KCNQ1OT1: variants seen among roughly 807,000 people sequenced by gnomAD.
The protein encoded by KCNQ1OT1 is KCNQ1 opposite strand/antisense transcript 1.
chr11:2,641,155 C>T (rs1849570414), exon 1 of KCNQ1OT1: 5 of 398,376 alleles, frequency 1.3e-5, no homozygotes, highest in Non-Finnish European at 1.3e-5. Context: ...TTTTAGTATA[C>T]TGATATCTTT....
At chr11:2,630,865 TG>T (rs1429487330) in exon 1 of KCNQ1OT1, 6 of 398,406 alleles carry the variant, frequency 1.5e-5, no homozygotes, top group Non-Finnish European at 2.7e-5. Context: ...TATTCTTAGA[TG>T]GCAGTTTTTT....
chr11:2,699,537 C>T (rs1007878546), exon 1 of KCNQ1OT1: 3 of 359,858 alleles, frequency 8.3e-6, no homozygotes, highest in Non-Finnish European at 1.5e-5. Context: ...GCTGAGGAGG[C>T]CCAGGGAGGA....
exon 1 of KCNQ1OT1, chr11:2,609,386 C>T (rs887338799): frequency 5.0e-6 from 2 of 398,278 alleles, no homozygotes; most frequent in Admixed American, 8.8e-5. Flanking sequence ...GAAAAAGATA[C>T]CTTGTATTAT....
chr11:2,661,768 G>GT lies in KCNQ1OT1; in HGVS notation n.38226dup. 1 of 655,190 alleles carries GT rather than the reference G, an allele frequency of 1.5e-6. No individual in the cohort carries two copies. The highest frequency in any genetic ancestry group is 2.7e-6 in the Non-Finnish European group (1 of 365,658). The allele number at this position is 655,190 out of a possible 1,614,324, so 40.6% of individuals were successfully genotyped here. On this transcript the variant is annotated non_coding_transcript_exon_variant, in exon 1 of 1. Transcript: ENST00000597346. The surrounding 1 kb of genome is among the most constrained non-coding windows in gnomAD (Gnocchi z 5.9). The stretch of plus-strand genomic sequence containing the variant: ...GCCTTTATTCTCCTCAGACACTGAG[G>GT]TGTCAGGCACTTTGGGGCCATCTTA...
At chr11:2,638,957 A>G (rs1273744748) in exon 1 of KCNQ1OT1, 1 of 152,012 alleles carries the variant, frequency 6.6e-6, no homozygotes, top group Non-Finnish European at 1.5e-5. Flanking sequence ...ACTTCATTTC[A>G]TTCATTTGAT....
chr11:2,661,762 A>G lies in KCNQ1OT1; in HGVS notation n.38233T>C. The G allele has an allele frequency of 1.5e-6, 1 of 648,368 alleles. No individual in the cohort carries two copies. The highest frequency in any genetic ancestry group is 1.8e-5 in the South Asian group (1 of 56,724). The allele number at this position is 648,368 out of a possible 1,614,324, so 40.2% of individuals were successfully genotyped here. ...TCACTGGCCTTTATTCTCCTCAGACACTGAGGTGTCAGGCACTTTGGGGCC... is the reference window on the plus strand; with the variant it reads ...TCACTGGCCTTTATTCTCCTCAGACGCTGAGGTGTCAGGCACTTTGGGGCC... On this transcript the variant is annotated non_coding_transcript_exon_variant, in exon 1 of 1. Coordinates refer to ENST00000597346, the Ensembl canonical transcript of KCNQ1OT1. This position sits in a 1 kb window ranked among gnomAD's most constrained non-coding sequence, Gnocchi z 5.9.
chr11:2,618,399 T>C (rs2133800381), exon 1 of KCNQ1OT1: 1 of 398,606 alleles, frequency 2.5e-6, no homozygotes, highest in Middle Eastern at 6.3e-4. Flanking sequence ...ATGTGGTCTG[T>C]GGGCCATGGG....
chr11:2,656,709 T>C (rs1849855673), exon 1 of KCNQ1OT1: 4 of 398,644 alleles, frequency 1.0e-5, no homozygotes, highest in African/African-American at 4.1e-5. Context: ...ATTTTGATGA[T>C]TGGGTCTTAA....
chr11:2,684,841 A>G, exon 1 of KCNQ1OT1: 1 of 398,636 alleles, frequency 2.5e-6, no homozygotes, highest in Non-Finnish European at 4.4e-6. Flanking sequence ...GCCTCCTGTT[A>G]TTGGCTTCCT....
exon 1 of KCNQ1OT1, chr11:2,629,480 G>C (rs2133814228): frequency 5.0e-6 from 2 of 398,396 alleles, no homozygotes; most frequent in Admixed American, 8.8e-5. Flanking sequence ...ATTTAGGTCT[G>C]TGGTCCACTT....
At position 2,617,600 on chromosome 11, in the gene KCNQ1OT1, G is replaced by A. The variant is rs1849088271; in HGVS notation, n.82395C>T. On this transcript the variant is annotated non_coding_transcript_exon_variant, in exon 1 of 1. Transcript: ENST00000597346. This position sits in a 1 kb window ranked among gnomAD's most constrained non-coding sequence, Gnocchi z 4.6. ...ACCTAGAAGAGGGATTAGTGGGTCAGATGATAGTATATTTTCAATTTCTTT... is the reference window on the plus strand; with the variant it reads ...ACCTAGAAGAGGGATTAGTGGGTCAAATGATAGTATATTTTCAATTTCTTT... 1 of 398,408 alleles carries A rather than the reference G, an allele frequency of 2.5e-6. No homozygotes were observed. Among genetic ancestry groups the A allele is most frequent in the Non-Finnish European group, 4.4e-6 (1 of 225,948 alleles). The allele number at this position is 398,408 out of a possible 1,614,324, so 24.7% of individuals were successfully genotyped here. A position where few individuals can be genotyped will look rare whatever the true frequency, so the allele number is the denominator to read the frequency against.
chr11:2,684,576 G>A, exon 1 of KCNQ1OT1: 1 of 398,636 alleles, frequency 2.5e-6, no homozygotes, highest in African/African-American at 2.1e-5. Flanking sequence ...TGACTTTCTG[G>A]CAGAGGAGAG....
exon 1 of KCNQ1OT1, chr11:2,634,542 G>A (rs1849423431): frequency 6.6e-6 from 1 of 152,262 alleles, no homozygotes; most frequent in African/African-American, 2.4e-5. Flanking sequence ...GTATTCCATG[G>A]TGTGTATGTG....
At chr11:2,681,290 G>T (rs1850392396) in exon 1 of KCNQ1OT1, 2 of 398,320 alleles carry the variant, frequency 5.0e-6, no homozygotes, top group Non-Finnish European at 8.8e-6. Flanking sequence ...ATACCTTCCT[G>T]TCCTACCAGC....
Position 2,642,430 on chromosome 11 carries a change from G to A in KCNQ1OT1, n.57565C>T, listed in dbSNP as rs1170526543. 2.5e-6 allele frequency: 1 copy of A among 397,904 alleles called. No individual in the cohort carries two copies. The highest frequency in any genetic ancestry group is 4.4e-6 in the Non-Finnish European group (1 of 225,764). The allele number at this position is 397,904 out of a possible 1,614,324, so 24.6% of individuals were successfully genotyped here. ...GTTCTTTATTGGTATATAGAAATAA[G>A]CCTGATTTTTAAATCCTGTAACTGT... On this transcript the variant is annotated non_coding_transcript_exon_variant, in exon 1 of 1. Transcript: ENST00000597346. This position sits in a 1 kb window ranked among gnomAD's most constrained non-coding sequence, Gnocchi z 4.3.
chr11:2,675,029 GC>G (rs1165935865), exon 1 of KCNQ1OT1: 7 of 398,516 alleles, frequency 1.8e-5, no homozygotes, highest in Non-Finnish European at 3.1e-5. Context: ...CTCTGCCAGA[GC>G]CCAGGTGGGG....
exon 1 of KCNQ1OT1, chr11:2,614,341 T>C (rs1185617590): frequency 1.5e-5 from 6 of 398,448 alleles, no homozygotes; most frequent in Non-Finnish European, 2.7e-5. Flanking sequence ...TTTTTAGTCT[T>C]CTGTGCACCC....
Position 2,683,612 on chromosome 11 carries a change from C to T in KCNQ1OT1, n.16383G>A, listed in dbSNP as rs1850435881. 5.0e-6 allele frequency: 2 copies of T among 398,646 alleles called. No homozygotes were observed. The highest frequency in any genetic ancestry group is 4.4e-5 in the Admixed American group (1 of 22,734). 24.7% of individuals were successfully genotyped at this position (398,646 alleles called of 1,614,324 possible). ...AAATGCCAACTCATTTCAAATACTG[C>T]TCTAGACAACTGGGCCCTGCATCTG... On this transcript the variant is annotated non_coding_transcript_exon_variant, in exon 1 of 1. Transcript: ENST00000597346. This position sits in a 1 kb window ranked among gnomAD's most constrained non-coding sequence, Gnocchi z 4.7.
Position 2,687,916 on chromosome 11 carries a change from A to C in KCNQ1OT1, n.12079T>G, listed in dbSNP as rs957692482. 7.5e-6 allele frequency: 3 copies of C among 398,748 alleles called. No homozygotes were observed. The highest frequency in any genetic ancestry group is 1.3e-5 in the Non-Finnish European group (3 of 226,148). The allele number at this position is 398,748 out of a possible 1,614,324, so 24.7% of individuals were successfully genotyped here. A position where few individuals can be genotyped will look rare whatever the true frequency, so the allele number is the denominator to read the frequency against. ...CCTGGTGGGATGGAAAATCCCCAGC[A>C]GTTGTGAGGCTGCACTTCTCCCACC... is the stretch of plus-strand genomic sequence containing the variant. On this transcript the variant is annotated non_coding_transcript_exon_variant, in exon 1 of 1. Transcript: ENST00000597346. The surrounding 1 kb of genome is among the most constrained non-coding windows in gnomAD (Gnocchi z 5.0).
Sources: gnomAD v4.1 joint callset for allele counts on GRCh38, gnomAD v4.1.1 for gene constraint, Gnocchi (gnomAD v3.1) non-coding constraint, MANE v1.5 for transcripts, NCBI Gene and HGNC (gene_info 2026-07-23, HGNC 2026-07-21) for gene names.